SYNJ1: variants seen among roughly 807,000 people sequenced by gnomAD.
The protein encoded by SYNJ1 is synaptojanin 1.
A neutral mutation model predicts 168.2 loss-of-function variants in SYNJ1; 78 were observed. The observed-to-expected ratio is 0.46, with a 90% CI of 0.39 to 0.56. The LOEUF (loss-of-function observed/expected upper bound fraction) is 0.56. Among genes scored for constraint, SYNJ1 ranks in the 20% least tolerant of loss-of-function variants. The probability of loss-of-function intolerance (pLI) is 0.00; values close to 1 mark genes in which losing one functional copy is unlikely to be tolerated. For missense variants in SYNJ1, 1,303 were observed against 1,597.6 expected (o/e 0.82, Z 3.14); for synonymous variants, 539 against 548.6 (o/e 0.98, Z 0.24).
intron 2 of SYNJ1, among the ~76,000 whole-genome samples, chr21:32,725,286 C>T (rs1445415297): frequency 2.0e-5 from 3 of 152,062 alleles, no homozygotes; most frequent in Admixed American, 6.6e-5. Context: ...ATTCGCCCCA[C>T]CCAACCCCCA....
chr21:32,633,002 A>T (rs746216759), intron 32 of SYNJ1, among the ~76,000 whole-genome samples: 2 of 152,190 alleles, frequency 1.3e-5, no homozygotes, highest in African/African-American at 2.4e-5. Flanking sequence ...CTTGGGCAAG[A>T]GCAAAACTCC....
intron 2 of SYNJ1, among the ~76,000 whole-genome samples, chr21:32,720,099 C>T (rs1407970031): frequency 1.3e-5 from 2 of 151,970 alleles, no homozygotes; most frequent in East Asian, 1.9e-4. Context: ...ATTAGCTGGG[C>T]GTGGTGCCAC....
chr21:32,637,406 CTTTT>C (rs5843562), intron 31 of SYNJ1, among the ~76,000 whole-genome samples: 1 of 100,288 alleles, frequency 1.0e-5, no homozygotes, highest in Non-Finnish European at 1.9e-5. Context: ...TTTCTTTTTT[CTTTT>C]TTTTTTTTTT....
At chr21:32,673,556 AT>A (rs778490685) in intron 13 of SYNJ1, 25 bp from the exon 14 acceptor site, 65 of 1,552,018 alleles carry the variant, frequency 4.2e-5, no homozygotes, top group Non-Finnish European at 5.2e-5. Context: ...ACACAATAGA[AT>A]TTTAGCTGCA....
intron 4 of SYNJ1, among the ~76,000 whole-genome samples, chr21:32,697,596 T>A (rs1256329834): frequency 6.6e-6 from 1 of 151,914 alleles, no homozygotes; most frequent in Non-Finnish European, 1.5e-5. Context: ...GGTCAGGAGT[T>A]GGAGACCAGC....
chr21:32,656,132 CA>C lies in SYNJ1; in HGVS notation c.2795+554del, dbSNP rs541592354. Among the ~76,000 whole-genome samples the C allele has an allele frequency of 2.6e-5, 4 of 152,254 alleles. No homozygotes were observed. In the South Asian group the frequency reaches 8.3e-4, roughly 32 times the overall value. ...ACCTATTTTTGTTTTCAATTGTTCA[CA>C]TAAAGTTTCACTGTTTAGCTGGGTA... On this transcript the variant is annotated intron_variant, in intron 21 of 32. Coordinates refer to ENST00000674351, the MANE Select transcript of SYNJ1 (RefSeq NM_203446.3).
At chr21:32,665,099 T>C (rs1156985829) in intron 17 of SYNJ1, 28 bp from the exon 18 acceptor site, 2 of 1,565,178 alleles carry the variant, frequency 1.3e-6, no homozygotes, top group Non-Finnish European at 1.7e-6. Flanking sequence ...GAATTTTAAA[T>C]TCAAAACAAT....
intron 8 of SYNJ1, among the ~76,000 whole-genome samples, chr21:32,686,159 A>G (rs1171256635): frequency 6.6e-6 from 1 of 152,210 alleles, no homozygotes; most frequent in Non-Finnish European, 1.5e-5. Flanking sequence ...CAAACTTACT[A>G]TTTAGACCTA....
chr21:32,663,144 A>G (rs2040781740), intron 18 of SYNJ1, among the ~76,000 whole-genome samples: 1 of 152,218 alleles, frequency 6.6e-6, no homozygotes, highest in African/African-American at 2.4e-5. Context: ...TGGGAGATCA[A>G]TGGCCACGAG....
At chr21:32,694,625 T>G (rs1039389996) in intron 5 of SYNJ1, among the ~76,000 whole-genome samples, 1 of 152,218 alleles carries the variant, frequency 6.6e-6, no homozygotes, top group Admixed American at 6.5e-5. Context: ...AATTTGAAGA[T>G]CTGTGTTGGG....
At chr21:32,684,012 A>G (rs751271671) in intron 10 of SYNJ1, 26 bp downstream of exon 10, 1 of 1,594,236 alleles carries the variant, frequency 6.3e-7, no homozygotes, top group Non-Finnish European at 8.6e-7. Flanking sequence ...GATACAAGGC[A>G]CATACATTTT....
intron 2 of SYNJ1, among the ~76,000 whole-genome samples, chr21:32,714,060 A>C (rs1569129936): frequency 6.6e-6 from 1 of 152,210 alleles, no homozygotes; most frequent in Non-Finnish European, 1.5e-5. Flanking sequence ...ATCAAGCTGT[A>C]TGTTTAAGAT....
At chr21:32,721,006 C>G (rs766764751) in intron 2 of SYNJ1, among the ~76,000 whole-genome samples, 1 of 152,166 alleles carries the variant, frequency 6.6e-6, no homozygotes. Context: ...TGTGTGTAAA[C>G]TGGAGAAAGA....
intron 2 of SYNJ1, among the ~76,000 whole-genome samples, chr21:32,717,299 T>C (rs1950672816): frequency 6.6e-6 from 1 of 152,154 alleles, no homozygotes; most frequent in Admixed American, 6.6e-5. Context: ...AGGTTCATTT[T>C]TTCCTCTACT....
intron 2 of SYNJ1, among the ~76,000 whole-genome samples, chr21:32,722,160 G>A (rs2043247840): frequency 6.9e-6 from 1 of 144,180 alleles, no homozygotes; most frequent in Non-Finnish European, 1.5e-5. Context: ...ACTCTAGCCT[G>A]GGCAACAAGA....
intron 2 of SYNJ1, among the ~76,000 whole-genome samples, chr21:32,719,713 TA>T (rs971478588): frequency 0.017 from 2,248 of 129,662 alleles, 23 homozygotes; most frequent in African/African-American, 0.039. Flanking sequence ...AACTCCATCT[TA>T]AAAAAAAAAA....
At chr21:32,641,836 A>G in intron 29 of SYNJ1, 60 bp downstream of exon 29, 1 of 1,284,022 alleles carries the variant, frequency 7.8e-7, no homozygotes, top group Non-Finnish European at 1.1e-6. Context: ...AACAAAACTG[A>G]CTAGTAGTAA....
intron 23 of SYNJ1, 45 bp from the exon 24 acceptor site, chr21:32,646,647 G>T: frequency 6.7e-7 from 1 of 1,491,318 alleles, no homozygotes; most frequent in Non-Finnish European, 9.3e-7. Flanking sequence ...ATTTTAACTT[G>T]CTCAGAGATT....
At chr21:32,652,434 C>T (rs2040306720) in intron 22 of SYNJ1, among the ~76,000 whole-genome samples, 1 of 152,214 alleles carries the variant, frequency 6.6e-6, no homozygotes, top group Non-Finnish European at 1.5e-5. Flanking sequence ...CTCCTGACCT[C>T]AGGTGATCCA....
Sources: gnomAD v4.1 joint callset for allele counts (sites outside exome capture counted in the v4.1 genomes callset) on GRCh38, gnomAD v4.1.1 for gene constraint, MANE v1.5 for transcripts, NCBI Gene and HGNC (gene_info 2026-07-23, HGNC 2026-07-21) for gene names.